Variants in GINS2 observed in about 807,000 individuals in gnomAD.
GINS2 encodes DNA replication complex GINS protein PSF2.
A neutral mutation model predicts 21.2 loss-of-function variants in GINS2; 23 were observed. That is an observed-to-expected ratio of 1.08 (90% confidence interval 0.78 to 1.53). The LOEUF is 1.53. Among genes scored for constraint, GINS2 ranks in the 40% most tolerant of loss-of-function variants. The pLI is 0.00. For synonymous variants in GINS2, 118 were observed against 85.6 expected, an observed-to-expected ratio of 1.38 and a Z score of -2.09; for missense variants, 323 against 233.9, an observed-to-expected ratio of 1.38 and a Z score of -2.49.
At chr16:85,688,177 A>G (rs2053794457) in intron 1 of GINS2, among the ~76,000 whole-genome samples, 1 of 152,218 alleles carries the variant, frequency 6.6e-6, no homozygotes. Context: ...ACTTTTGCCC[A>G]TAATCCCAGC....
chr16:85,688,421 C>T (rs2053798457), intron 1 of GINS2, among the ~76,000 whole-genome samples: 1 of 151,948 alleles, frequency 6.6e-6, no homozygotes, highest in African/African-American at 2.4e-5. Context: ...TGGCGGGCAC[C>T]TGTAACAGCA....
intron 4 of GINS2, 36 bp downstream of exon 4, chr16:85,678,504 T>A (rs1235809534): frequency 1.2e-6 from 2 of 1,606,116 alleles, no homozygotes. Context: ...TTATGCGGCA[T>A]CAAGGCCACC....
rs749616681 is a variant in GINS2, at chr16:85,688,811, C to T, written c.88G>A (p.Gly30Arg). The T allele has an allele frequency of 2.6e-5, 40 of 1,526,950 alleles. No homozygotes were observed. In the Middle Eastern group the frequency reaches 1.0e-3, roughly 39 times the overall value. 94.6% of individuals were successfully genotyped at this position (1,526,950 alleles called of 1,614,324 possible). The part of the protein sequence containing the change: ...NFSLDKIYLI[G>R]GDLGPFNPGL... ...CCCACGGCGGGCCCAGGCCTCACCC[C>T]GATGAGGTAGATCTTGTCCAGACTG... Residue 30 changes from glycine to arginine, a missense_variant and splice_region_variant, in exon 1 of 5, where the codon GGG becomes AGG. Physicochemically the swap from Gly to Arg is moderately radical, Grantham distance 125. Transcript: ENST00000253462.
intron 1 of GINS2, 64 bp downstream of exon 1, chr16:85,688,745 C>T (rs2053801985): frequency 2.0e-6 from 2 of 1,007,200 alleles, no homozygotes; most frequent in East Asian, 3.2e-5. Flanking sequence ...GGGCTGAAGG[C>T]CACGCGGGAG....
intron 1 of GINS2, among the ~76,000 whole-genome samples, chr16:85,688,367 G>T (rs143723838): frequency 3.9e-5 from 6 of 152,096 alleles, no homozygotes; most frequent in African/African-American, 1.4e-4. Context: ...CCAACACGGT[G>T]AAACCACATC....
intron 3 of GINS2, 56 bp from the exon 4 acceptor site, chr16:85,678,722 C>A: frequency 1.3e-6 from 2 of 1,567,380 alleles, no homozygotes; most frequent in South Asian, 1.2e-5. Flanking sequence ...TGAGGCAATG[C>A]TGGATAGAGT....
rs752706723 is a variant in GINS2, at chr16:85,678,638, C to T, written c.334G>A (p.Glu112Lys). 20 of 1,613,658 alleles carry T rather than the reference C, an allele frequency of 1.2e-5. No individual in the cohort carries two copies. The South Asian group carries it at 1.6e-4, about 13-fold the overall frequency. Reference protein sequence around the residue: ...HASDNIPKADEIRTLVKDMWD... With the variant: ...HASDNIPKADKIRTLVKDMWD... Reference sequence around the variant, plus strand: ...ATATCCTTGACCAGGGTCCGGATTTCGTCTGCCTTCGGGATGTTGTCTGAA... The same window carrying T: ...ATATCCTTGACCAGGGTCCGGATTTTGTCTGCCTTCGGGATGTTGTCTGAA... Residue 112 changes from glutamate (E) to lysine (K), a missense_variant, in exon 4 of 5, where the codon GAA becomes AAA. Transcript: ENST00000253462.
chr16:85,683,159 T>C (rs2053748179), intron 2 of GINS2, among the ~76,000 whole-genome samples: 1 of 151,996 alleles, frequency 6.6e-6, no homozygotes, highest in South Asian at 2.1e-4. Context: ...CCAAACACAC[T>C]AATAGATATA....
At chr16:85,681,003 G>A (rs888891104) in intron 3 of GINS2, among the ~76,000 whole-genome samples, 1 of 152,370 alleles carries the variant, frequency 6.6e-6, no homozygotes, top group South Asian at 2.1e-4. Flanking sequence ...GAGATGTGAA[G>A]AATGAATGGA....
At position 85,681,742 on chromosome 16, in the gene GINS2, C is replaced by T. The variant is rs1391052894; in HGVS notation, c.206-61G>A. On this transcript the variant is annotated intron_variant, in intron 2 of 4. Coordinates refer to ENST00000253462, the MANE Select transcript of GINS2 (RefSeq NM_016095.3). ...ATAACCAAGATATTTATTAAACCTT[C>T]CAAATTTACCAAGTGCCTATATTAT... 6 of 1,002,676 alleles carry T rather than the reference C, an allele frequency of 6.0e-6. No individual in the cohort carries two copies. The Admixed American group carries it at 6.4e-5, about 11-fold the overall frequency. 62.1% of individuals were successfully genotyped at this position (1,002,676 alleles called of 1,614,324 possible).
chr16:85,681,435 A>AT (rs2053731441), intron 3 of GINS2, 147 bp downstream of exon 3: 4 of 609,020 alleles, frequency 6.6e-6, no homozygotes, highest in African/African-American at 3.8e-5. Flanking sequence ...AGATGACCTC[A>AT]TGGTCACTGA....
In GINS2 at chr16:85,688,847, T is replaced by C; in HGVS notation, c.52A>G (p.Ile18Val). 6.5e-7 allele frequency: 1 copy of C among 1,546,986 alleles called. No homozygotes were observed. The highest frequency in any genetic ancestry group is 8.7e-7 in the Non-Finnish European group (1 of 1,144,872). Residue 18 changes from isoleucine (I) to valine (V), a missense_variant, in exon 1 of 5, where the codon ATC (isoleucine) becomes GTC (valine). Ile to Val is a conservative substitution (Grantham distance 29, BLOSUM62 3). Coordinates refer to ENST00000253462, the MANE Select transcript of GINS2 (RefSeq NM_016095.3). Reference protein sequence around the residue: ...FLAEKELVTIIPNFSLDKIYL... With the variant: ...FLAEKELVTIVPNFSLDKIYL... ...ATCTTGTCCAGACTGAAGTTGGGGA[T>C]AATGGTAACCAGCTCCTTCTCGGCG...
chr16:85,681,823 T>G, intron 2 of GINS2, 142 bp from the exon 3 acceptor site: 2 of 606,992 alleles, frequency 3.3e-6, no homozygotes, highest in South Asian at 2.1e-5. Context: ...GGGATGACAT[T>G]TGTATCATTA....
rs1177457590 is a variant in GINS2, at chr16:85,678,064, T to C, written c.*148A>G. 3 of 703,938 alleles carry C rather than the reference T, an allele frequency of 4.3e-6. No homozygotes were observed. The highest frequency in any genetic ancestry group is 7.2e-6 in the Non-Finnish European group (3 of 414,182). The allele number at this position is 703,938 out of a possible 1,614,324, so 43.6% of individuals were successfully genotyped here. A position where few individuals can be genotyped will look rare whatever the true frequency, so the allele number is the denominator to read the frequency against. On this transcript the variant is annotated 3_prime_UTR_variant, in exon 5 of 5. Coordinates refer to ENST00000253462, the MANE Select transcript of GINS2 (RefSeq NM_016095.3). ...GTTTTAAGGACTAATCACAAACTTG[T>C]TTCTCCAACAACATCCTGAATCCAT...
chr16:85,679,968 CAT>C (rs1330184061), intron 3 of GINS2, among the ~76,000 whole-genome samples: 4 of 152,184 alleles, frequency 2.6e-5, no homozygotes, highest in African/African-American at 9.7e-5. Context: ...TCTGCCTGAG[CAT>C]ATCAGTTCCT....
intron 3 of GINS2, among the ~76,000 whole-genome samples, chr16:85,679,759 A>G (rs536877920): frequency 6.6e-6 from 1 of 152,194 alleles, no homozygotes; most frequent in Non-Finnish European, 1.5e-5. Flanking sequence ...ATTCTTACCT[A>G]GCCTGTTTAT....
rs555591854 is a variant in GINS2, at chr16:85,684,120, G to A, written c.206-2439C>T. On this transcript the variant is annotated intron_variant, in intron 2 of 4. Transcript: ENST00000253462. ...TGTAATCCCAGCACTTTGGGAGACC[G>A]AGGTGGAAGCCCCGGAGTTCAAAAC... is the stretch of plus-strand genomic sequence containing the variant. Among the ~76,000 whole-genome samples the A allele has an allele frequency of 6.6e-4, 100 of 152,316 alleles. 2 individuals are homozygous for A. The South Asian group carries it at 0.02, about 31-fold the overall frequency.
chr16:85,677,461 C>T lies in GINS2; in HGVS notation c.*751G>A, dbSNP rs2053687521. ...AATACATTGTCACTCATGCTCAATA[C>T]ATTGGATTCGTTTTTTTCCTGACTC... On this transcript the variant is annotated 3_prime_UTR_variant, in exon 5 of 5. Transcript: ENST00000253462. 6.6e-6 allele frequency: 1 copy of T among 151,852 alleles called. No individual in the cohort carries two copies. Among genetic ancestry groups the T allele is most frequent in the Non-Finnish European group, 1.5e-5 (1 of 68,058 alleles). The allele number at this position is 151,852 out of a possible 1,614,324, so 9.4% of individuals were successfully genotyped here. A position where few individuals can be genotyped will look rare whatever the true frequency, so the allele number is the denominator to read the frequency against.
intron 2 of GINS2, among the ~76,000 whole-genome samples, chr16:85,682,020 CCTTTTTT>C (rs2053737707): frequency 8.4e-6 from 1 of 118,454 alleles, no homozygotes; most frequent in Non-Finnish European, 1.7e-5. Context: ...ACCTTTACCG[CCTTTTTT>C]TTTTTTTTTT....
Sources: allele counts gnomAD v4.1 joint callset (sites outside exome capture counted in the v4.1 genomes callset), GRCh38; gene constraint gnomAD v4.1.1; transcripts MANE v1.5; gene names NCBI Gene and HGNC (gene_info 2026-07-23, HGNC 2026-07-21).